TANC2: variants seen among roughly 807,000 people sequenced by gnomAD.
The protein encoded by TANC2 is tetratricopeptide repeat, ankyrin repeat and coiled-coil containing 2, also known as protein TANC2.
TANC2 carries 26 observed loss-of-function variants against 210.5 expected under a neutral mutation model. That is an observed-to-expected ratio of 0.12 (90% CI 0.09 to 0.17). The LOEUF (loss-of-function observed/expected upper bound fraction) is 0.17. TANC2 is among the 10% of genes least tolerant of loss of function. The probability of loss-of-function intolerance (pLI) is 1.00; values close to 1 mark genes in which losing one functional copy is unlikely to be tolerated. For missense variants in TANC2, 2,129 were observed against 2,608.9 expected (o/e 0.82, Z 4.01); for synonymous variants, 931 against 967.1 (o/e 0.96, Z 0.69).
chr17:63,168,433 A>G (rs569169819), intron 5 of TANC2, among the ~76,000 whole-genome samples: 5 of 152,304 alleles, frequency 3.3e-5, no homozygotes, highest in African/African-American at 1.2e-4. Flanking sequence ...GCAAGGGACC[A>G]TTCTTCCTAC....
rs73994415 is a variant in TANC2 at position 63,279,039 on chromosome 17, G to T, written c.1159+11166G>T. ...TCTGCTGTACAACATTGTGCTTATA[G>T]TTAGCCATGCTGTACTATTCACTTA... On this transcript the variant is annotated intron_variant, in intron 9 of 27. Coordinates refer to ENST00000689528, the Ensembl canonical transcript of TANC2. Among the ~76,000 whole-genome samples, 704 of 152,228 alleles carry T rather than the reference G, an allele frequency of 4.6e-3. 9 individuals carry two copies. The highest frequency in any genetic ancestry group is 0.016 in the African/African-American group (667 of 41,544).
intron 10 of TANC2, among the ~76,000 whole-genome samples, chr17:63,316,105 T>C (rs1306253478): frequency 1.3e-5 from 2 of 152,234 alleles, no homozygotes; most frequent in African/African-American, 2.4e-5. Flanking sequence ...TGAAGAAGTG[T>C]GACTAATTGA....
chr17:63,146,077 T>C (rs1178197149), intron 4 of TANC2, among the ~76,000 whole-genome samples: 1 of 152,186 alleles, frequency 6.6e-6, no homozygotes. Flanking sequence ...CTTTAATTTC[T>C]TTCAGCAATG....
rs930001813 is a variant in TANC2, at chr17:63,215,713, ATTTTGTTTTG to A, written c.769+14771_769+14780del. Among the ~76,000 whole-genome samples, 35 of 151,430 alleles carry A rather than the reference ATTTTGTTTTG, an allele frequency of 2.3e-4. 1 individual carries two copies. The highest frequency in any genetic ancestry group is 5.9e-4 in the Admixed American group (9 of 15,228). On this transcript the variant is annotated intron_variant, in intron 7 of 27. Transcript: ENST00000689528. Reference sequence around the variant, plus strand: ...AGGTGCCACACTTTTATTTTATTTTATTTTGTTTTGTTTTGTTTTGTTTTATTTTTATTTT... The same window carrying A: ...AGGTGCCACACTTTTATTTTATTTTATTTTGTTTTGTTTTATTTTTATTTT...
At chr17:63,406,407 T>C (rs992351362) in intron 21 of TANC2, 130 bp downstream of exon 21, 12 of 1,266,046 alleles carry the variant, frequency 9.5e-6, no homozygotes, top group South Asian at 1.3e-5. Context: ...AATGAAAGGC[T>C]ATCTCCTCCC....
At chr17:63,005,897 T>G (rs2033602421) in intron 1 of TANC2, among the ~76,000 whole-genome samples, 1 of 9,800 alleles carries the variant, frequency 1.0e-4, no homozygotes, top group Non-Finnish European at 2.0e-4. Flanking sequence ...CTGTATAGTT[T>G]GTGTGTGTGT....
At chr17:63,100,483 A>G (rs568092867) in intron 4 of TANC2, among the ~76,000 whole-genome samples, 1 of 152,290 alleles carries the variant, frequency 6.6e-6, no homozygotes, top group South Asian at 2.1e-4. Flanking sequence ...AAAACATAAT[A>G]TCCTGAAATA....
At chr17:63,379,969 G>T in intron 15 of TANC2, 143 bp downstream of exon 15, 1 of 628,500 alleles carries the variant, frequency 1.6e-6, no homozygotes, top group Middle Eastern at 2.6e-4. Context: ...CGTATGGCCT[G>T]TTCCTCCCTA....
At chr17:63,176,805 CAAAAAAAAAA>C (rs60736520) in intron 5 of TANC2, among the ~76,000 whole-genome samples, 1 of 93,160 alleles carries the variant, frequency 1.1e-5, no homozygotes, top group African/African-American at 4.2e-5. Context: ...GACTCCATCT[CAAAAAAAAAA>C]AAAAAAAAAA....
At position 63,107,943 on chromosome 17, in the gene TANC2, T is replaced by C. The variant is rs555340992; in HGVS notation, c.322+8586T>C. Among the ~76,000 whole-genome samples, 114 of 151,866 alleles carry C rather than the reference T, an allele frequency of 7.5e-4. 6 individuals are homozygous for C. The highest frequency in any genetic ancestry group is 2.7e-3 in the African/African-American group (111 of 41,140). On this transcript the variant is annotated intron_variant, in intron 4 of 27. Coordinates refer to ENST00000689528, the Ensembl canonical transcript of TANC2. Reference sequence around the variant, plus strand: ...TGTGAATGAACTAAATCCATTAAATTGTACTTATATCTCAATAAGGAAGTT... The same window carrying C: ...TGTGAATGAACTAAATCCATTAAATCGTACTTATATCTCAATAAGGAAGTT...
chr17:63,385,835 G>A (rs186818428), intron 15 of TANC2, among the ~76,000 whole-genome samples: 46 of 152,294 alleles, frequency 3.0e-4, no homozygotes, highest in Middle Eastern at 3.4e-3. Context: ...TAATCTTGTG[G>A]TGTGAGGGGT....
At chr17:63,024,016 T>A (rs1326732274) in intron 2 of TANC2, among the ~76,000 whole-genome samples, 1 of 152,230 alleles carries the variant, frequency 6.6e-6, no homozygotes, top group Admixed American at 6.5e-5. Flanking sequence ...GTTTTAATAT[T>A]AGGGTTTTAC....
intron 5 of TANC2, among the ~76,000 whole-genome samples, chr17:63,186,924 C>T (rs758864589): frequency 3.9e-5 from 6 of 152,230 alleles, no homozygotes; most frequent in Non-Finnish European, 7.3e-5. Flanking sequence ...ATCTGTTTCT[C>T]ATACCTCAAA....
rs540984689 is a variant in TANC2, at chr17:63,187,531, A to G, written c.434-6460A>G. Among the ~76,000 whole-genome samples the G allele has an allele frequency of 6.9e-5, 10 of 145,136 alleles. No homozygotes were observed. The East Asian group carries it at 1.9e-3, about 28-fold the overall frequency. On this transcript the variant is annotated intron_variant, in intron 5 of 27. Transcript: ENST00000689528. The stretch of plus-strand genomic sequence containing the variant: ...GTTATAATCTGCCCCAGAGAGAACA[A>G]CCACCAAAAATTATGTTTTTTATAT...
At chr17:63,026,312 C>G (rs973697187) in intron 2 of TANC2, among the ~76,000 whole-genome samples, 32 of 152,202 alleles carry the variant, frequency 2.1e-4, no homozygotes, top group Admixed American at 1.6e-3. Context: ...TCAGTACCTG[C>G]CCGGCACATA....
intron 5 of TANC2, among the ~76,000 whole-genome samples, chr17:63,171,400 A>G (rs2040401156): frequency 6.6e-6 from 1 of 152,064 alleles, no homozygotes; most frequent in African/African-American, 2.4e-5. Context: ...TATTTCTTAG[A>G]TCATTGAAGT....
At chr17:63,095,824 A>G (rs2037366932) in intron 3 of TANC2, among the ~76,000 whole-genome samples, 1 of 152,214 alleles carries the variant, frequency 6.6e-6, no homozygotes, top group Admixed American at 6.5e-5. Flanking sequence ...TGTAGCTACA[A>G]TAAGTTCAGG....
intron 5 of TANC2, among the ~76,000 whole-genome samples, chr17:63,172,477 C>T (rs926000451): frequency 1.3e-5 from 2 of 152,006 alleles, no homozygotes; most frequent in African/African-American, 2.4e-5. Context: ...CCACCGCCCC[C>T]GGCCATCACA....
intron 5 of TANC2, chr17:63,154,141 A>T (rs527678542): frequency 6.6e-6 from 1 of 152,296 alleles, no homozygotes; most frequent in Non-Finnish European, 1.5e-5. Flanking sequence ...ACAACTGTGG[A>T]GATAATCGAT....
Sources: gnomAD v4.1 joint callset for allele counts (sites outside exome capture counted in the v4.1 genomes callset) on GRCh38, gnomAD v4.1.1 for gene constraint, MANE v1.5 for transcripts, NCBI Gene and HGNC (gene_info 2026-07-23, HGNC 2026-07-21) for gene names.